The following NOL4 variants were observed in gnomAD, a reference collection of about 807,000 sequenced individuals.
NOL4 encodes the protein nucleolar protein 4.
A neutral mutation model predicts 75.9 loss-of-function variants in NOL4; 17 were observed. The ratio of observed to expected loss-of-function variants is 0.22; its 90% CI spans 0.15 to 0.34. NOL4 has a LOEUF of 0.34. Ranked by LOEUF, NOL4 falls within the 10% of genes least tolerant of loss-of-function variation. NOL4 has a pLI of 1.00. For missense variants in NOL4, 614 were observed against 793.5 expected, an observed-to-expected ratio of 0.77 and a Z score of 2.72; for synonymous variants, 292 against 289.9, an observed-to-expected ratio of 1.01 and a Z score of -0.07.
At chr18:33,978,834 T>A (rs981295026) in intron 6 of NOL4, among the ~76,000 whole-genome samples, 4 of 151,926 alleles carry the variant, frequency 2.6e-5, no homozygotes, top group African/African-American at 7.2e-5. Flanking sequence ...TATTGTTATA[T>A]TGTTAATTTT....
chr18:34,086,460 G>A (rs1417240374), intron 5 of NOL4, among the ~76,000 whole-genome samples: 4 of 152,062 alleles, frequency 2.6e-5, no homozygotes, highest in Admixed American at 1.3e-4. Flanking sequence ...TAGCTTTTCT[G>A]ATTAAAATTC....
At chr18:33,993,562 T>C (rs143513421) in intron 6 of NOL4, among the ~76,000 whole-genome samples, 1 of 151,836 alleles carries the variant, frequency 6.6e-6, no homozygotes, top group East Asian at 1.9e-4. Flanking sequence ...AAAACCCTAA[T>C]ATATGCAAAG....
At chr18:34,208,232 T>A (rs2036258196) in intron 1 of NOL4, among the ~76,000 whole-genome samples, 1 of 152,160 alleles carries the variant, frequency 6.6e-6, no homozygotes, top group African/African-American at 2.4e-5. Flanking sequence ...CAGGGAGTTA[T>A]GTTGTATATT....
At chr18:34,015,043 T>A (rs1235201493) in intron 6 of NOL4, among the ~76,000 whole-genome samples, 1 of 152,000 alleles carries the variant, frequency 6.6e-6, no homozygotes, top group Non-Finnish European at 1.5e-5. Flanking sequence ...AAATGTAGTG[T>A]CACTTCAAAA....
chr18:34,185,495 T>G (rs2034391064), intron 1 of NOL4, among the ~76,000 whole-genome samples: 1 of 152,048 alleles, frequency 6.6e-6, no homozygotes. Context: ...GGCTTATTTT[T>G]TTTTCAAGGT....
chr18:33,871,392 C>A (rs77380120), intron 10 of NOL4, among the ~76,000 whole-genome samples: 5 of 151,986 alleles, frequency 3.3e-5, no homozygotes, highest in Admixed American at 3.3e-4. Context: ...GGCTCAATGT[C>A]CATATAAAGA....
chr18:33,981,423 A>C (rs956601953), intron 6 of NOL4, among the ~76,000 whole-genome samples: 1 of 151,952 alleles, frequency 6.6e-6, no homozygotes, highest in Admixed American at 6.6e-5. Context: ...GATAAAGAAA[A>C]ATCTTGAAAG....
At position 34,223,090 on chromosome 18, in the gene NOL4, A is replaced by G; in HGVS notation, c.164T>C (p.Phe55Ser). ...CTGGAAGCCCTTCGATTTGACCCAG[A>G]ATTTAAATTTGGCGTTGTCCGTGGA... is the stretch of plus-strand genomic sequence containing the variant. ...SSSTDNAKFK[F>S]WVKSKGFQLG... Residue 55 changes from phenylalanine (F) to serine (S), a missense_variant, in exon 1 of 11, where the codon TTC (phenylalanine) becomes TCC (serine). By Grantham distance (155) the Phe-to-Ser change is radical. Transcript: ENST00000261592. 1 of 1,614,092 alleles carries G rather than the reference A, an allele frequency of 6.2e-7. No individual in the cohort carries two copies.
chr18:33,938,360 G>C (rs1443670652), intron 9 of NOL4, among the ~76,000 whole-genome samples: 4 of 152,024 alleles, frequency 2.6e-5, no homozygotes, highest in Non-Finnish European at 5.9e-5. Context: ...AAAGCTTTTT[G>C]AACCCTTCTG....
intron 10 of NOL4, 134 bp downstream of exon 10, chr18:33,883,110 G>A: frequency 1.8e-6 from 1 of 560,272 alleles, no homozygotes; most frequent in South Asian, 2.6e-5. Context: ...AATGCTAGAT[G>A]ATGAGTTAGT....
chr18:33,862,606 C>T (rs1305916132), intron 10 of NOL4, among the ~76,000 whole-genome samples: 3 of 152,104 alleles, frequency 2.0e-5, no homozygotes, highest in Non-Finnish European at 4.4e-5. Flanking sequence ...AAAAAGTGGA[C>T]AAAGGACACG....
intron 5 of NOL4, among the ~76,000 whole-genome samples, chr18:34,080,610 G>A (rs764925845): frequency 5.9e-5 from 9 of 152,110 alleles, no homozygotes; most frequent in Non-Finnish European, 1.3e-4. Flanking sequence ...CCACTGCTAC[G>A]TCCATTGTAC....
At chr18:34,020,657 T>C (rs1351889900) in intron 5 of NOL4, among the ~76,000 whole-genome samples, 1 of 152,182 alleles carries the variant, frequency 6.6e-6, no homozygotes, top group Non-Finnish European at 1.5e-5. Context: ...ATTATGTAGT[T>C]ATTCAATATT....
At chr18:33,934,572 AC>A (rs1015074880) in intron 9 of NOL4, among the ~76,000 whole-genome samples, 4 of 152,096 alleles carry the variant, frequency 2.6e-5, no homozygotes, top group Admixed American at 2.6e-4. Context: ...TGCATTTTCT[AC>A]CTCAGCACTT....
chr18:34,003,007 A>G (rs964001366), intron 6 of NOL4, among the ~76,000 whole-genome samples: 4 of 152,120 alleles, frequency 2.6e-5, no homozygotes, highest in East Asian at 3.9e-4. Flanking sequence ...CAAAAAGAGG[A>G]GTGCCAGGAA....
At chr18:34,042,219 A>T in intron 5 of NOL4, among the ~76,000 whole-genome samples, 1 of 151,972 alleles carries the variant, frequency 6.6e-6, no homozygotes, top group African/African-American at 2.4e-5. Flanking sequence ...CATTCAATCA[A>T]ATATTTGAAT....
chr18:34,144,657 G>C (rs560237838), intron 1 of NOL4, among the ~76,000 whole-genome samples: 1 of 152,144 alleles, frequency 6.6e-6, no homozygotes, highest in South Asian at 2.1e-4. Flanking sequence ...GGCTAAAAAC[G>C]AGTTACCCCT....
At chr18:34,119,995 T>C (rs1341105826) in intron 2 of NOL4, among the ~76,000 whole-genome samples, 1 of 152,222 alleles carries the variant, frequency 6.6e-6, no homozygotes, top group Non-Finnish European at 1.5e-5. Context: ...TAGATAAACA[T>C]ACAATATTGG....
At chr18:34,148,010 T>G (rs1454589988) in intron 1 of NOL4, among the ~76,000 whole-genome samples, 1 of 152,136 alleles carries the variant, frequency 6.6e-6, no homozygotes, top group Admixed American at 6.6e-5. Flanking sequence ...CATAGAGGTG[T>G]TTATAGTATT....
Sources: gnomAD v4.1 joint callset for allele counts (sites outside exome capture counted in the v4.1 genomes callset) on GRCh38, gnomAD v4.1.1 for gene constraint, MANE v1.5 for transcripts, NCBI Gene and HGNC (gene_info 2026-07-23, HGNC 2026-07-21) for gene names.